MAGI1: variants seen among roughly 807,000 people sequenced by gnomAD.
MAGI1 encodes membrane associated guanylate kinase, WW and PDZ domain containing 1.
MAGI1 carries 58 observed loss-of-function variants against 139.9 expected under a neutral mutation model. The observed-to-expected ratio is 0.41, with a 90% CI of 0.34 to 0.52. MAGI1 has a LOEUF of 0.52. MAGI1 is among the 20% of genes least tolerant of loss of function. The pLI is 0.12. For synonymous variants in MAGI1, 812 were observed against 737.9 expected (o/e 1.10, Z -1.63); for missense variants, 1,874 against 1,901.6 (o/e 0.99, Z 0.27).
intron 8 of MAGI1, among the ~76,000 whole-genome samples, chr3:65,440,795 A>G (rs1021207807): frequency 2.0e-5 from 3 of 150,774 alleles, no homozygotes; most frequent in African/African-American, 7.3e-5. Flanking sequence ...ATATATACAC[A>G]TATATATGTA....
At chr3:65,528,328 G>A (rs1035265686) in intron 2 of MAGI1, among the ~76,000 whole-genome samples, 12 of 152,120 alleles carry the variant, frequency 7.9e-5, no homozygotes, top group Admixed American at 2.0e-4. Context: ...TCAACACAGC[G>A]AAATTGCTGT....
At chr3:65,705,564 C>T (rs759207254) in intron 1 of MAGI1, among the ~76,000 whole-genome samples, 39 of 152,336 alleles carry the variant, frequency 2.6e-4, no homozygotes, top group Middle Eastern at 3.4e-3. Flanking sequence ...CTTCTTTATT[C>T]ACATGGGGAG....
rs147451307 is a variant in MAGI1, at chr3:65,942,734, G to T, written c.313+95262C>A. Among the ~76,000 whole-genome samples the T allele has an allele frequency of 4.2e-3, 644 of 152,264 alleles. 5 individuals carry two copies. The highest frequency in any genetic ancestry group is 0.014 in the African/African-American group (589 of 41,558). On this transcript the variant is annotated intron_variant, in intron 1 of 22. Transcript: ENST00000402939. ...TTTTGAGGATCAGTATTTGTAAAAT[G>T]CGACCAGGTGCGGTGGCTCACCCCT...
chr3:65,464,052 A>C (rs1334621053), intron 5 of MAGI1, among the ~76,000 whole-genome samples: 1 of 151,740 alleles, frequency 6.6e-6, no homozygotes, highest in African/African-American at 2.4e-5. Flanking sequence ...AGGAATCTCC[A>C]CCTCTTATTA....
chr3:65,845,221 C>G (rs1276716297), intron 1 of MAGI1, among the ~76,000 whole-genome samples: 1 of 150,554 alleles, frequency 6.6e-6, no homozygotes, highest in Admixed American at 6.7e-5. Flanking sequence ...ACTGCATTTC[C>G]AGCCTGGGCA....
At chr3:65,449,689 T>A (rs1200390015) in intron 6 of MAGI1, among the ~76,000 whole-genome samples, 1 of 152,072 alleles carries the variant, frequency 6.6e-6, no homozygotes, top group Non-Finnish European at 1.5e-5. Flanking sequence ...GGCAGGAGAA[T>A]CGCTTGAACA....
At chr3:65,649,207 C>T (rs540277634) in intron 1 of MAGI1, among the ~76,000 whole-genome samples, 25 of 152,016 alleles carry the variant, frequency 1.6e-4, no homozygotes, top group Admixed American at 5.2e-4. Context: ...GACACCCCAC[C>T]CCAATCTCTA....
At chr3:65,729,589 C>T (rs757562407) in intron 1 of MAGI1, among the ~76,000 whole-genome samples, 3 of 151,338 alleles carry the variant, frequency 2.0e-5, no homozygotes, top group African/African-American at 4.8e-5. Flanking sequence ...GCCAATCCTG[C>T]TTTACTAAAC....
At chr3:65,747,035 C>T (rs4389511) in intron 1 of MAGI1, among the ~76,000 whole-genome samples, 39,594 of 152,130 alleles carry the variant, frequency 0.26, 6,450 homozygotes, top group East Asian at 0.43. Flanking sequence ...GCGTGGTGGC[C>T]AATGTCTGAC....
intron 1 of MAGI1, among the ~76,000 whole-genome samples, chr3:65,824,841 TA>T (rs1447573901): frequency 1.3e-5 from 2 of 152,246 alleles, no homozygotes; most frequent in East Asian, 1.9e-4. Flanking sequence ...AAAAATGTCA[TA>T]TTTTTTTCTG....
intron 1 of MAGI1, among the ~76,000 whole-genome samples, chr3:65,808,794 G>A (rs77894534): frequency 8.3e-4 from 127 of 152,212 alleles, no homozygotes; most frequent in African/African-American, 2.8e-3. Flanking sequence ...GGACCTACAT[G>A]GGTCTCAGCT....
In MAGI1 at chr3:65,863,182, G is replaced by A. The variant is rs374621802; in HGVS notation, c.313+174814C>T. Among the ~76,000 whole-genome samples, 6 of 152,312 alleles carry A rather than the reference G, an allele frequency of 3.9e-5. 1 individual carries two copies. The highest frequency in any genetic ancestry group is 1.4e-4 in the African/African-American group (6 of 41,580). ...AATTCGGATCAATCTTCAAGGAACAGTTCAAATACCATCTCCTCTGAGGAG... is the reference window on the plus strand; with the variant it reads ...AATTCGGATCAATCTTCAAGGAACAATTCAAATACCATCTCCTCTGAGGAG... On this transcript the variant is annotated intron_variant, in intron 1 of 22. Coordinates refer to ENST00000402939, the MANE Select transcript of MAGI1 (RefSeq NM_001033057.2).
intron 2 of MAGI1, among the ~76,000 whole-genome samples, chr3:65,542,334 G>A (rs887287240): frequency 2.6e-5 from 4 of 152,144 alleles, no homozygotes; most frequent in Non-Finnish European, 5.9e-5. Context: ...CGTGAAAATG[G>A]CCATACTTTT....
intron 12 of MAGI1, among the ~76,000 whole-genome samples, chr3:65,427,486 A>G (rs1947137328): frequency 6.6e-6 from 1 of 152,198 alleles, no homozygotes; most frequent in South Asian, 2.1e-4. Flanking sequence ...AACCACATCA[A>G]TAACAGAAAT....
chr3:65,508,611 C>A (rs1416078753), intron 2 of MAGI1, among the ~76,000 whole-genome samples: 3 of 152,118 alleles, frequency 2.0e-5, no homozygotes, highest in African/African-American at 7.2e-5. Flanking sequence ...CTATAGGATT[C>A]TCATTAATCC....
At chr3:65,521,358 C>T (rs1027611050) in intron 2 of MAGI1, among the ~76,000 whole-genome samples, 1 of 152,096 alleles carries the variant, frequency 6.6e-6, no homozygotes, top group African/African-American at 2.4e-5. Context: ...ATTAAACAAC[C>T]AGCCTTCAAG....
intron 1 of MAGI1, among the ~76,000 whole-genome samples, chr3:65,705,634 A>C (rs2030114560): frequency 6.6e-6 from 1 of 152,250 alleles, no homozygotes; most frequent in South Asian, 2.1e-4. Flanking sequence ...AATAATTCTC[A>C]AAAGCTAAGT....
chr3:65,606,513 T>C (rs1412742470), intron 2 of MAGI1, among the ~76,000 whole-genome samples: 1 of 151,324 alleles, frequency 6.6e-6, no homozygotes, highest in Non-Finnish European at 1.5e-5. Flanking sequence ...GATGTTTATT[T>C]ATTTATTTGT....
At chr3:65,449,620 CA>C (rs1287032165) in intron 6 of MAGI1, among the ~76,000 whole-genome samples, 4 of 151,954 alleles carry the variant, frequency 2.6e-5, no homozygotes, top group Non-Finnish European at 5.9e-5. Context: ...ATTAAAAATA[CA>C]AAAAAATTAG....
Sources: gnomAD v4.1 joint callset for allele counts (sites outside exome capture counted in the v4.1 genomes callset) on GRCh38, gnomAD v4.1.1 for gene constraint, MANE v1.5 for transcripts, NCBI Gene and HGNC (gene_info 2026-07-23, HGNC 2026-07-21) for gene names.